SIM1: variants seen among roughly 807,000 people sequenced by gnomAD.
SIM1 encodes SIM bHLH transcription factor 1, also known as single-minded homolog 1.
Under a neutral mutation model 78.2 loss-of-function variants are expected in SIM1, and 18 were observed. The ratio of observed to expected loss-of-function variants is 0.23; its 90% confidence interval spans 0.16 to 0.34. The LOEUF is 0.34. SIM1 is among the 10% of genes least tolerant of loss of function. The probability of loss-of-function intolerance (pLI) is 1.00; values close to 1 mark genes in which losing one functional copy is unlikely to be tolerated. For synonymous variants in SIM1, 417 were observed against 385.2 expected (o/e 1.08, Z -0.97); for missense variants, 939 against 975.1 (o/e 0.96, Z 0.49).
intron 8 of SIM1, 67 bp from the exon 9 acceptor site, chr6:100,447,482 C>T (rs1452010393): frequency 6.3e-7 from 1 of 1,587,628 alleles, no homozygotes; most frequent in African/African-American, 1.3e-5. Context: ...AAATGCAATC[C>T]CTGGTGGTAA....
intron 3 of SIM1, 104 bp from the exon 4 acceptor site, chr6:100,450,460 A>G (rs994675587): frequency 2.1e-6 from 2 of 965,292 alleles, no homozygotes; most frequent in African/African-American, 3.2e-5. Flanking sequence ...GTGTAGAGAG[A>G]TGGAGTGGAG....
chr6:100,413,927 C>G (rs1312404098), intron 10 of SIM1, among the ~76,000 whole-genome samples: 2 of 152,220 alleles, frequency 1.3e-5, no homozygotes, highest in African/African-American at 2.4e-5. Flanking sequence ...TGTTCCCTTT[C>G]TCTATGCTCC....
chr6:100,402,817 C>T (rs1043969189), intron 10 of SIM1, among the ~76,000 whole-genome samples: 10 of 152,034 alleles, frequency 6.6e-5, no homozygotes, highest in Non-Finnish European at 1.2e-4. Context: ...ACCTCGTGAT[C>T]CACCCGCCTC....
In SIM1 at chr6:100,385,751, A is replaced by T. The variant is rs2114451592; in HGVS notation, c.*4610T>A. ...CACATTTTCATGAATATGATATAAA[A>T]ATCATATTTTTCTGTGTGCGTATGT... On this transcript the variant is annotated 3_prime_UTR_variant, in exon 12 of 12. Coordinates refer to ENST00000369208, the MANE Select transcript of SIM1 (RefSeq NM_005068.3). 6.7e-6 allele frequency: 1 copy of T among 149,880 alleles called. No individual in the cohort carries two copies. The highest frequency in any genetic ancestry group is 2.5e-5 in the African/African-American group (1 of 40,664). The allele number at this position is 149,880 out of a possible 1,614,324, so 9.3% of individuals were successfully genotyped here.
At position 100,390,361 on chromosome 6, in the gene SIM1, T is replaced by C. The variant is rs1247546408; in HGVS notation, c.2301A>G (p.Ter767TrpextTer17). ...AAGAACAAAATATTTCAGCAAAACA[T>C]CAGCTTCCGTTGGTTATTATAACAG... ...GTSVIITNGS[*>W] Residue 767 changes from the stop codon to tryptophan, a stop_lost, in exon 12 of 12, where the codon TGA (stop) becomes TGG (tryptophan). Transcript: ENST00000369208. 1 of 1,609,016 alleles carries C rather than the reference T, an allele frequency of 6.2e-7. No homozygotes were observed. The highest frequency in any genetic ancestry group is 2.2e-5 in the East Asian group (1 of 44,840).
In SIM1 at chr6:100,393,578, G is replaced by C. The variant is rs928670652; in HGVS notation, c.1479C>G (p.Arg493=). The C allele has an allele frequency of 6.2e-7, 1 of 1,613,378 alleles. No individual in the cohort carries two copies. The highest frequency in any genetic ancestry group is 1.3e-5 in the African/African-American group (1 of 74,918). ...AGGCCTTTGTCAGGGGCAAGGCTGC[G>C]CGAGAGCCCCACCAGGGCTCCCTCC... ...QAGREPWWGS[R]AALPLTKASP... Residue 493 remains arginine (R), a synonymous_variant, in exon 11 of 12, where the codon CGC becomes CGG. Transcript: ENST00000369208.
chr6:100,390,373 G>C lies in SIM1; in HGVS notation c.2289C>G (p.Thr763=). 6.2e-7 allele frequency: 1 copy of C among 1,611,830 alleles called. No homozygotes were observed. The highest frequency in any genetic ancestry group is 8.5e-7 in the Non-Finnish European group (1 of 1,178,892). ...QGHKGTSVII[T]NGS ...TTTCAGCAAAACATCAGCTTCCGTTGGTTATTATAACAGATGTTCCCTTGT... is the reference window on the plus strand; with the variant it reads ...TTTCAGCAAAACATCAGCTTCCGTTCGTTATTATAACAGATGTTCCCTTGT... The change falls in exon 12 of 12, where the codon ACC becomes ACG. Residue 763 remains threonine, a synonymous_variant. Transcript: ENST00000369208.
At chr6:100,393,402 T>C in intron 11 of SIM1, 85 bp downstream of exon 11, 5 of 1,134,368 alleles carry the variant, frequency 4.4e-6, no homozygotes, top group Non-Finnish European at 5.9e-6. Context: ...GATAACTATT[T>C]GGTCATTCAC....
intron 9 of SIM1, 109 bp downstream of exon 9, chr6:100,447,159 G>T: frequency 7.9e-7 from 1 of 1,267,802 alleles, no homozygotes; most frequent in Non-Finnish European, 1.1e-6. Context: ...GGTCAAAATG[G>T]CATTCCCCGT....
At chr6:100,457,726 C>G (rs942826914) in intron 2 of SIM1, among the ~76,000 whole-genome samples, 29 of 152,236 alleles carry the variant, frequency 1.9e-4, no homozygotes, top group African/African-American at 7.0e-4. Context: ...CAAGGCGCAC[C>G]CGACCCCACC....
At chr6:100,455,333 C>A (rs1772618441) in intron 2 of SIM1, among the ~76,000 whole-genome samples, 1 of 152,180 alleles carries the variant, frequency 6.6e-6, no homozygotes. Context: ...CTCTTTAGCC[C>A]GCCCGAGGTT....
In SIM1 at chr6:100,388,349, T is replaced by C. The variant is rs1582596476; in HGVS notation, c.*2012A>G. The C allele has an allele frequency of 6.7e-6, 1 of 149,826 alleles. No individual in the cohort carries two copies. The highest frequency in any genetic ancestry group is 2.0e-4 in the East Asian group (1 of 5,038). The allele number at this position is 149,826 out of a possible 1,614,324, so 9.3% of individuals were successfully genotyped here. On this transcript the variant is annotated 3_prime_UTR_variant, in exon 12 of 12. Transcript: ENST00000369208. ...CAAATACTGGGTTTTTTATCTGCAT[T>C]TGATTGGAAAAAAAACCACACATAA...
intron 10 of SIM1, among the ~76,000 whole-genome samples, chr6:100,404,388 T>G (rs1370009955): frequency 1.3e-5 from 2 of 152,228 alleles, no homozygotes; most frequent in Non-Finnish European, 2.9e-5. Context: ...AAAGAGACCC[T>G]CTTCTGGTAA....
rs1021298872 is a variant in SIM1, at chr6:100,390,702, C to T, written c.1960G>A (p.Ala654Thr). ...TTGGGACTACTTATCCGAGATAGTGCGGTGGGACTGTTGTCATAGTCATTT... is the reference window on the plus strand; with the variant it reads ...TTGGGACTACTTATCCGAGATAGTGTGGTGGGACTGTTGTCATAGTCATTT... ...HENDYDNSPTALSRISSPNSD... is the reference protein window; with the variant it reads ...HENDYDNSPTTLSRISSPNSD... The change falls in exon 12 of 12, where the codon GCA (alanine) becomes ACA (threonine). Residue 654 changes from alanine (A) to threonine (T), a missense_variant. Physicochemically the swap from Ala to Thr is moderately conservative, Grantham distance 58. Coordinates refer to ENST00000369208, the MANE Select transcript of SIM1 (RefSeq NM_005068.3). The T allele has an allele frequency of 1.1e-5, 17 of 1,613,934 alleles. No individual in the cohort carries two copies. The highest frequency in any genetic ancestry group is 2.2e-5 in the East Asian group (1 of 44,888).
rs759451596 is a variant in SIM1 at position 100,388,448 on chromosome 6, C to A, written c.*1913G>T. 6.6e-6 allele frequency: 1 copy of A among 152,168 alleles called. No homozygotes were observed. The highest frequency in any genetic ancestry group is 2.1e-4 in the South Asian group (1 of 4,830). The allele number at this position is 152,168 out of a possible 1,614,324, so 9.4% of individuals were successfully genotyped here. ...TTGAATTTTTTGAAAATATATATAA[C>A]CACTAACTTTCTCACTTACTTGCAC... On this transcript the variant is annotated 3_prime_UTR_variant, in exon 12 of 12. Coordinates refer to ENST00000369208, the MANE Select transcript of SIM1 (RefSeq NM_005068.3).
intron 2 of SIM1, among the ~76,000 whole-genome samples, chr6:100,457,108 GGA>G (rs1772684106): frequency 6.6e-6 from 1 of 152,096 alleles, no homozygotes; most frequent in African/African-American, 2.4e-5. Flanking sequence ...CTTTTCCTTC[GGA>G]ATGAATTTAA....
intron 10 of SIM1, among the ~76,000 whole-genome samples, chr6:100,414,162 T>C (rs1771337832): frequency 1.3e-5 from 2 of 152,184 alleles, no homozygotes; most frequent in South Asian, 4.1e-4. Context: ...TAAAAAGGGA[T>C]GGATGGGCAG....
At chr6:100,412,683 AAAAGAAAG>A (rs373803181) in intron 10 of SIM1, among the ~76,000 whole-genome samples, 9,766 of 76,830 alleles carry the variant, frequency 0.13, 834 homozygotes, top group African/African-American at 0.14. Flanking sequence ...GAAAGAAAGA[AAAAGAAAG>A]AAAGAAAGAA....
chr6:100,420,270 AT>A (rs1771539259), intron 10 of SIM1, among the ~76,000 whole-genome samples: 1 of 152,178 alleles, frequency 6.6e-6, no homozygotes, highest in African/African-American at 2.4e-5. Flanking sequence ...GATGAGCAGA[AT>A]TTGCTTTTCC....
Sources: allele counts gnomAD v4.1 joint callset (sites outside exome capture counted in the v4.1 genomes callset), GRCh38; gene constraint gnomAD v4.1.1; transcripts MANE v1.5; gene names NCBI Gene and HGNC (gene_info 2026-07-23, HGNC 2026-07-21).